TENM4: variants seen among roughly 807,000 people sequenced by gnomAD.
The protein encoded by TENM4 is teneurin transmembrane protein 4.
Under a neutral mutation model 243.3 loss-of-function variants are expected in TENM4, and 82 were observed. The ratio of observed to expected loss-of-function variants is 0.34; its 90% CI spans 0.28 to 0.40. TENM4 has a LOEUF of 0.40. TENM4 is among the 10% of genes least tolerant of loss of function. The probability of loss-of-function intolerance (pLI) is 1.00; values close to 1 mark genes in which losing one functional copy is unlikely to be tolerated. For missense variants in TENM4, 3,138 were observed against 3,673.3 expected (o/e 0.85, Z 3.77); for synonymous variants, 1,412 against 1,456.3 (o/e 0.97, Z 0.69).
rs1286003359 is a variant in TENM4, at chr11:79,064,721, C to T, written c.493+17G>A. 8 of 1,551,374 alleles carry T rather than the reference C, an allele frequency of 5.2e-6. No homozygotes were observed. In the South Asian group the frequency reaches 8.3e-5, roughly 16 times the overall value. On this transcript the variant is annotated intron_variant, in intron 6 of 33. Transcript: ENST00000278550. ...CCACCACCCAGGCACCCGGCACAGA[C>T]CAAACCAGCCACTCACCAGTCTCAG...
intron 11 of TENM4, 51 bp from the exon 12 acceptor site, chr11:78,854,365 C>T: frequency 7.0e-7 from 1 of 1,422,012 alleles, no homozygotes; most frequent in South Asian, 1.6e-5. Context: ...CACCACGCAC[C>T]AGCGTCCTTC....
intron 2 of TENM4, among the ~76,000 whole-genome samples, chr11:79,295,092 C>T (rs1365257300): frequency 1.3e-5 from 2 of 152,176 alleles, no homozygotes; most frequent in African/African-American, 4.8e-5. Context: ...TACTCCTGCT[C>T]AGAACACACC....
chr11:78,885,091 T>C (rs907983608), intron 9 of TENM4, among the ~76,000 whole-genome samples: 10 of 152,222 alleles, frequency 6.6e-5, no homozygotes, highest in Admixed American at 3.9e-4. Flanking sequence ...AACAATTAAA[T>C]GCTATACAAT....
intron 3 of TENM4, among the ~76,000 whole-genome samples, chr11:79,197,015 G>T (rs1053077090): frequency 6.6e-6 from 1 of 152,186 alleles, no homozygotes; most frequent in East Asian, 1.9e-4. Context: ...AAGCAAAAAG[G>T]CTCTGAGTCC....
At chr11:78,663,642 G>A (rs916836679) in intron 32 of TENM4, among the ~76,000 whole-genome samples, 2 of 152,166 alleles carry the variant, frequency 1.3e-5, no homozygotes, top group African/African-American at 2.4e-5. Context: ...CATGCTTATA[G>A]AGCCTGCAGA....
intron 6 of TENM4, among the ~76,000 whole-genome samples, chr11:78,982,347 C>G (rs1383974236): frequency 6.6e-6 from 1 of 152,188 alleles, no homozygotes; most frequent in East Asian, 1.9e-4. Flanking sequence ...CCACTCGCGG[C>G]TGTGGCCTCC....
chr11:79,015,737 G>A (rs1409435015), intron 6 of TENM4, among the ~76,000 whole-genome samples: 1 of 152,116 alleles, frequency 6.6e-6, no homozygotes, highest in Non-Finnish European at 1.5e-5. Context: ...AAAAAGACAT[G>A]GTTTCTGCTC....
At chr11:79,150,058 GATTT>G (rs1458137136) in intron 3 of TENM4, among the ~76,000 whole-genome samples, 2 of 152,126 alleles carry the variant, frequency 1.3e-5, no homozygotes, top group African/African-American at 4.8e-5. Context: ...TTGGTGCAGT[GATTT>G]ATTCAGTCCT....
chr11:78,671,501 G>A (rs1477952436), intron 31 of TENM4, among the ~76,000 whole-genome samples: 2 of 152,220 alleles, frequency 1.3e-5, no homozygotes, highest in African/African-American at 2.4e-5. Flanking sequence ...GCTTTATGCT[G>A]CAAAGCTACC....
intron 1 of TENM4, among the ~76,000 whole-genome samples, chr11:79,299,543 G>A (rs1511235): frequency 0.17 from 25,361 of 152,046 alleles, 2,317 homozygotes; most frequent in African/African-American, 0.24. Flanking sequence ...AGATTATATC[G>A]ATACTTATTT....
At chr11:78,929,348 G>T (rs558196053) in intron 6 of TENM4, among the ~76,000 whole-genome samples, 21 of 152,290 alleles carry the variant, frequency 1.4e-4, no homozygotes, top group African/African-American at 4.1e-4. Flanking sequence ...GCATTGCCAA[G>T]GAGAAGTCAA....
chr11:78,897,563 AC>A (rs1171991532), intron 7 of TENM4, among the ~76,000 whole-genome samples: 1 of 152,180 alleles, frequency 6.6e-6, no homozygotes, highest in Non-Finnish European at 1.5e-5. Flanking sequence ...AGCAGAGGGA[AC>A]CATGCTCTCT....
At chr11:79,193,537 T>A (rs1227789939) in intron 3 of TENM4, among the ~76,000 whole-genome samples, 1 of 152,198 alleles carries the variant, frequency 6.6e-6, no homozygotes, top group Non-Finnish European at 1.5e-5. Flanking sequence ...AGTCATGGTC[T>A]CTTTTTGTCC....
intron 6 of TENM4, chr11:78,962,153 G>C (rs189282514): frequency 6.6e-6 from 1 of 152,638 alleles, no homozygotes; most frequent in African/African-American, 2.4e-5. Flanking sequence ...CGTTCGCCGC[G>C]ACCCCCAGGC....
intron 4 of TENM4, among the ~76,000 whole-genome samples, chr11:79,145,094 A>G (rs549246039): frequency 6.6e-6 from 1 of 152,160 alleles, no homozygotes; most frequent in African/African-American, 2.4e-5. Context: ...ATTAAAAAAA[A>G]TTTAAAAAAG....
chr11:78,821,379 A>G (rs1857728774), intron 12 of TENM4, among the ~76,000 whole-genome samples: 1 of 152,232 alleles, frequency 6.6e-6, no homozygotes, highest in African/African-American at 2.4e-5. Context: ...CAAAGCAGGA[A>G]TACAAGGGGA....
Position 78,722,768 on chromosome 11 carries a change from C to T in TENM4, c.3700G>A (p.Ala1234Thr). Residue 1234 changes from alanine (A) to threonine (T), a missense_variant, in exon 24 of 34, where the codon GCC becomes ACC. By Grantham distance (58) the Ala-to-Thr change is moderately conservative. Around this residue, in one of 2 missense-constraint regions of TENM4, gnomAD observed 2,467 missense variants for 3,059.1 expected, o/e 0.81. Coordinates refer to ENST00000278550, the MANE Select transcript of TENM4 (RefSeq NM_001098816.3). ...ADGNKLLAPV[A>T]LTCGSDGSLY... ...CTCCCGTCAGAGCCACAGGTGAGGG[C>T]CACTGGGGCCAGGAGCTTGTTGCCG... 1 of 1,614,062 alleles carries T rather than the reference C, an allele frequency of 6.2e-7. No homozygotes were observed. The highest frequency in any genetic ancestry group is 8.5e-7 in the Non-Finnish European group (1 of 1,179,892).
At chr11:79,211,861 A>G (rs1234946044) in intron 3 of TENM4, among the ~76,000 whole-genome samples, 3 of 152,212 alleles carry the variant, frequency 2.0e-5, no homozygotes, top group Non-Finnish European at 2.9e-5. Flanking sequence ...GAGTTTGAGC[A>G]CAGGTGCTTT....
intron 2 of TENM4, among the ~76,000 whole-genome samples, chr11:79,290,036 T>A (rs767114894): frequency 6.6e-6 from 1 of 152,088 alleles, no homozygotes; most frequent in Non-Finnish European, 1.5e-5. Context: ...CCTCAGGTGA[T>A]CCGCCCACCT....
Sources: allele counts gnomAD v4.1 joint callset (sites outside exome capture counted in the v4.1 genomes callset), GRCh38; gene constraint gnomAD v4.1.1; regional missense constraint gnomAD v4.1.1; transcripts MANE v1.5; gene names NCBI Gene and HGNC (gene_info 2026-07-23, HGNC 2026-07-21).